NAV2: variants seen among roughly 807,000 people sequenced by gnomAD.
The protein encoded by NAV2 is neuron navigator 2, also known as helicase, APC down-regulated 1.
Under a neutral mutation model 223.2 loss-of-function variants are expected in NAV2, and 54 were observed. That is an observed-to-expected ratio of 0.24 (90% CI 0.19 to 0.30). The LOEUF (loss-of-function observed/expected upper bound fraction) is 0.30, where lower values mean the gene tolerates loss of function less well. Ranked by LOEUF, NAV2 falls within the 10% of genes least tolerant of loss-of-function variation. The pLI is 1.00. For missense variants in NAV2, 2,806 were observed against 3,147.5 expected, an observed-to-expected ratio of 0.89 and a Z score of 2.60; for synonymous variants, 1,279 against 1,239.3, an observed-to-expected ratio of 1.03 and a Z score of -0.67.
At position 19,946,388 on chromosome 11, in the gene NAV2, C is replaced by G. The variant is rs762464911; in HGVS notation, c.2147-13C>G. On this transcript the variant is annotated splice_polypyrimidine_tract_variant and intron_variant, in intron 8 of 37. Transcript: ENST00000349880. ...TCAGAGAATTAAACTAGTCTTAACCCTCATCTTTCTAGGGGAAGATCCTGA... is the reference window on the plus strand; with the variant it reads ...TCAGAGAATTAAACTAGTCTTAACCGTCATCTTTCTAGGGGAAGATCCTGA... 1 of 1,608,644 alleles carries G rather than the reference C, an allele frequency of 6.2e-7. No homozygotes were observed.
chr11:19,580,504 A>T (rs890849192), intron 1 of NAV2, among the ~76,000 whole-genome samples: 2 of 152,126 alleles, frequency 1.3e-5, no homozygotes, highest in African/African-American at 4.8e-5. Context: ...CTCTTCTTGC[A>T]AAGCACCAGT....
At chr11:19,394,361 C>T (rs1849367067) in intron 1 of NAV2, among the ~76,000 whole-genome samples, 1 of 152,196 alleles carries the variant, frequency 6.6e-6, no homozygotes, top group South Asian at 2.1e-4. Flanking sequence ...CCAAAAGAGA[C>T]TGTTTCCAGG....
chr11:19,945,111 T>TCCTC lies in NAV2; in HGVS notation c.2147-1290_2147-1289insCCTC. ...TTTTCTTCTCTTCTCTTCTTTCTTTTTTTCTCTTTCTTTCTTTCTTTCTTT... is the reference window on the plus strand; with the variant it reads ...TTTTCTTCTCTTCTCTTCTTTCTTTTCCTCTTTCTCTTTCTTTCTTTCTTTCTTT... On this transcript the variant is annotated intron_variant, in intron 8 of 37. Coordinates refer to ENST00000349880, the MANE Select transcript of NAV2 (RefSeq NM_145117.5). Among the ~76,000 whole-genome samples the TCCTC allele has an allele frequency of 5.1e-5, 6 of 117,780 alleles. No individual in the cohort carries two copies. In the Admixed American group the frequency reaches 5.7e-4, roughly 11 times the overall value. The allele number at this position is 117,780 out of a possible 152,430, so 77.3% of individuals were successfully genotyped here.
chr11:19,546,770 C>CT (rs2044512258), intron 1 of NAV2, among the ~76,000 whole-genome samples: 1 of 152,104 alleles, frequency 6.6e-6, no homozygotes, highest in South Asian at 2.1e-4. Flanking sequence ...CACTTTTCTC[C>CT]TTTTTCTCCA....
chr11:19,991,684 GAAACACAACC>G (rs1194011275), intron 11 of NAV2, among the ~76,000 whole-genome samples: 12 of 152,278 alleles, frequency 7.9e-5, no homozygotes, highest in African/African-American at 2.9e-4. Flanking sequence ...ACGGATTGAT[GAAACACAACC>G]CGTGTTTCAT....
chr11:19,672,520 G>A lies in NAV2; in HGVS notation c.76-159964G>A, dbSNP rs2048600393. ...CACCCATAAAGGGGGTATCATGATA[G>A]GATCTTCCTCTTGGGGGTATCCTCA... On this transcript the variant is annotated intron_variant, in intron 1 of 37. Coordinates refer to the NAV2 transcript ENST00000360655. 2.0e-5 allele frequency among the ~76,000 whole-genome samples: 3 copies of A among 152,238 alleles called. No homozygotes were observed. The South Asian group carries it at 6.2e-4, about 32-fold the overall frequency.
intron 1 of NAV2, among the ~76,000 whole-genome samples, chr11:19,406,990 T>A (rs1163363373): frequency 6.6e-6 from 1 of 152,202 alleles, no homozygotes; most frequent in Admixed American, 6.5e-5. Flanking sequence ...GTATGGCTTT[T>A]AACTTTGTTA....
At position 19,867,894 on chromosome 11, in the gene NAV2, G is replaced by T. The variant is rs146127617; in HGVS notation, c.439-1031G>T. ...GGAGCTAGACGCTACTCAAATTAGA[G>T]CTCCTAAGTGTAGACACTTTACATT... On this transcript the variant is annotated intron_variant, in intron 3 of 37. Coordinates refer to ENST00000349880, the MANE Select transcript of NAV2 (RefSeq NM_145117.5). 7.8e-3 allele frequency among the ~76,000 whole-genome samples: 1,186 copies of T among 152,334 alleles called. 13 individuals are homozygous for T. Among genetic ancestry groups the T allele is most frequent in the African/African-American group, 0.027 (1,127 of 41,576 alleles).
At chr11:20,073,125 ATTAAGAGTG>A (rs2059504135) in intron 22 of NAV2, among the ~76,000 whole-genome samples, 1 of 152,144 alleles carries the variant, frequency 6.6e-6, no homozygotes, top group African/African-American at 2.4e-5. Flanking sequence ...TATCTAGTTT[ATTAAGAGTG>A]TTTAGCATGA....
chr11:19,368,758 T>G (rs1848374368), intron 1 of NAV2, among the ~76,000 whole-genome samples: 1 of 152,230 alleles, frequency 6.6e-6, no homozygotes, highest in Non-Finnish European at 1.5e-5. Flanking sequence ...ATTTGTTGTC[T>G]GACTTCAAAG....
At position 20,068,317 on chromosome 11, in the gene NAV2, T is replaced by C. The variant is rs2059178705; in HGVS notation, c.4909-7T>C. 4 of 1,613,958 alleles carry C rather than the reference T, an allele frequency of 2.5e-6. No homozygotes were observed. Among genetic ancestry groups the C allele is most frequent in the Middle Eastern group, 1.6e-4 (1 of 6,084 alleles). ...AAGCATGTAACCCTCTCCCTTGTCATCTTTAGATTCGCAAGCTGCGGCGGG... is the reference window on the plus strand; with the variant it reads ...AAGCATGTAACCCTCTCCCTTGTCACCTTTAGATTCGCAAGCTGCGGCGGG... On this transcript the variant is annotated splice_polypyrimidine_tract_variant and splice_region_variant and intron_variant, in intron 21 of 37. Transcript: ENST00000349880.
intron 1 of NAV2, among the ~76,000 whole-genome samples, chr11:19,756,106 C>T (rs1485622752): frequency 6.6e-6 from 1 of 152,156 alleles, no homozygotes; most frequent in Non-Finnish European, 1.5e-5. Flanking sequence ...TCCTGTACAG[C>T]TCTTGTTCTA....
At chr11:19,671,742 T>C (rs2048575317) in intron 1 of NAV2, among the ~76,000 whole-genome samples, 1 of 152,226 alleles carries the variant, frequency 6.6e-6, no homozygotes, top group African/African-American at 2.4e-5. Flanking sequence ...CTTTATTTGT[T>C]TGCAACCCTT....
At chr11:19,877,407 T>A (rs1212729198) in intron 4 of NAV2, among the ~76,000 whole-genome samples, 1 of 151,908 alleles carries the variant, frequency 6.6e-6, no homozygotes, top group Non-Finnish European at 1.5e-5. Flanking sequence ...TGAGGGGAAA[T>A]TGTTTTCTTA....
chr11:20,024,882 G>C (rs949361888), intron 11 of NAV2, among the ~76,000 whole-genome samples: 26 of 152,184 alleles, frequency 1.7e-4, no homozygotes, highest in African/African-American at 5.8e-4. Context: ...CCAATGCCCT[G>C]TCTGGGATTT....
In NAV2 at chr11:19,818,825, A is replaced by G. The variant is rs111431052; in HGVS notation, c.268-13659A>G. 4.1e-3 allele frequency among the ~76,000 whole-genome samples: 630 copies of G among 152,384 alleles called. 1 individual carries two copies. Among genetic ancestry groups the G allele is most frequent in the Non-Finnish European group, 6.8e-3 (466 of 68,032 alleles). On this transcript the variant is annotated intron_variant, in intron 1 of 37. Coordinates refer to ENST00000349880, the MANE Select transcript of NAV2 (RefSeq NM_145117.5). ...TTGCTATGACTGGTCTAACAGCTAC[A>G]TGAAATATGTTGGTTTTATGGACTT...
At chr11:19,691,201 T>C (rs2049164284) in intron 1 of NAV2, among the ~76,000 whole-genome samples, 1 of 151,256 alleles carries the variant, frequency 6.6e-6, no homozygotes, top group Admixed American at 6.6e-5. Flanking sequence ...CCAGTAGAAA[T>C]AGAAGGCAAG....
chr11:19,679,876 T>C (rs1685388713), intron 1 of NAV2, among the ~76,000 whole-genome samples: 1 of 152,132 alleles, frequency 6.6e-6, no homozygotes, highest in Admixed American at 6.5e-5. Flanking sequence ...GCTCCTTAAA[T>C]ACCTGAGGAA....
At chr11:19,623,488 T>G (rs896655976) in intron 1 of NAV2, among the ~76,000 whole-genome samples, 1 of 152,308 alleles carries the variant, frequency 6.6e-6, no homozygotes, top group South Asian at 2.1e-4. Flanking sequence ...TTCTCTAAAC[T>G]TCTCTTCTCA....
Sources: gnomAD v4.1 joint callset for allele counts (sites outside exome capture counted in the v4.1 genomes callset) on GRCh38, gnomAD v4.1.1 for gene constraint, MANE v1.5 for transcripts, NCBI Gene and HGNC (gene_info 2026-07-23, HGNC 2026-07-21) for gene names.